The following CPSF4L variants were observed in gnomAD, a reference collection of about 807,000 sequenced individuals.
The protein encoded by CPSF4L is cleavage and polyadenylation specific factor 4 like, also known as putative cleavage and polyadenylation specificity factor subunit 4-like protein.
In CPSF4L, 18 loss-of-function variants were observed where a neutral mutation model predicts 24.0. That is an observed-to-expected ratio of 0.75 (90% confidence interval 0.52 to 1.11). CPSF4L has a LOEUF of 1.11. CPSF4L is among the 50% of genes least tolerant of loss of function. CPSF4L has a pLI of 0.00. For synonymous variants in CPSF4L, 72 were observed against 77.2 expected (o/e 0.93, Z 0.35); for missense variants, 211 against 221.8 (o/e 0.95, Z 0.31).
At chr17:73,245,890 A>G (rs2061943971), downstream of CPSF4L, 1 of 218,084 alleles carries the variant, frequency 4.6e-6, no homozygotes, top group East Asian at 1.8e-4. Flanking sequence ...TCCCACCCCT[A>G]TCTATCCCTT....
In CPSF4L at chr17:73,261,864, G is replaced by C; in HGVS notation, c.-46C>G. On this transcript the variant is annotated 5_prime_UTR_variant, in exon 1 of 6. Transcript: ENST00000344935. ...TGCGGAAGCTGCTGGAACCCAGGCAGGTGGGCCCAATATAGCTCATCAGAG... is the reference window on the plus strand; with the variant it reads ...TGCGGAAGCTGCTGGAACCCAGGCACGTGGGCCCAATATAGCTCATCAGAG... 7.0e-7 allele frequency: 1 copy of C among 1,435,554 alleles called. No homozygotes were observed. Among genetic ancestry groups the C allele is most frequent in the Non-Finnish European group, 9.6e-7 (1 of 1,042,180 alleles). The allele number at this position is 1,435,554 out of a possible 1,614,324, so 88.9% of individuals were successfully genotyped here. A position where few individuals can be genotyped will look rare whatever the true frequency, so the allele number is the denominator to read the frequency against.
At chr17:73,260,909 G>C (rs892419226) in intron 2 of CPSF4L, 24 bp downstream of exon 2, 86 of 1,547,280 alleles carry the variant, frequency 5.6e-5, no homozygotes, top group Non-Finnish European at 7.3e-5. Flanking sequence ...CCAGCTTGGG[G>C]CCCAGGCCTG....
At position 73,250,973 on chromosome 17, in the gene CPSF4L, C is replaced by G. The variant is rs574007707; in HGVS notation, c.497+1657G>C. 100 of 1,529,916 alleles carry G rather than the reference C, an allele frequency of 6.5e-5. No individual in the cohort carries two copies. The African/African-American group carries it at 1.3e-3, about 20-fold the overall frequency. The allele number at this position is 1,529,916 out of a possible 1,614,324, so 94.8% of individuals were successfully genotyped here. On this transcript the variant is annotated intron_variant, in intron 5 of 5. Transcript: ENST00000344935. ...CAGCCCTGTGGGTTCCTTTGTCCAC[C>G]CTGTGGCACAGGCCCTGCCCTTGAC...
chr17:73,261,330 C>T (rs975105676), intron 1 of CPSF4L, among the ~76,000 whole-genome samples: 4 of 152,186 alleles, frequency 2.6e-5, no homozygotes, highest in South Asian at 4.1e-4. Flanking sequence ...AAGGGGCGGT[C>T]GCATCAGGGA....
Position 73,252,524 on chromosome 17 carries a change from A to G in CPSF4L, c.497+106T>C, listed in dbSNP as rs865867944. On this transcript the variant is annotated intron_variant, in intron 5 of 5. Coordinates refer to ENST00000344935, the MANE Select transcript of CPSF4L (RefSeq NM_001129885.1). ...AAATACTGGAGCGGATGCTTGCCAG[A>G]TGCTTCATTTTCCACTAAGGACCAG... 8.1e-6 allele frequency: 6 copies of G among 743,526 alleles called. No individual in the cohort carries two copies. In the African/African-American group the frequency reaches 8.8e-5, roughly 11 times the overall value. The allele number at this position is 743,526 out of a possible 1,614,324, so 46.1% of individuals were successfully genotyped here.
At chr17:73,262,846 C>T (rs992599097), upstream of CPSF4L, among the ~76,000 whole-genome samples, 23 of 152,188 alleles carry the variant, frequency 1.5e-4, no homozygotes, top group African/African-American at 4.6e-4. Context: ...TGGGCAGCCC[C>T]GCAGGCTCTC....
At chr17:73,258,269 C>T (rs917236557) in intron 2 of CPSF4L, among the ~76,000 whole-genome samples, 2 of 152,088 alleles carry the variant, frequency 1.3e-5, no homozygotes, top group African/African-American at 4.8e-5. Context: ...CTCGGCCTCC[C>T]AAAGTGCTGG....
At chr17:73,245,810 A>G (rs1216206258), downstream of CPSF4L, 2 of 755,958 alleles carry the variant, frequency 2.6e-6, no homozygotes, top group African/African-American at 3.8e-5. Context: ...ATCACATTTT[A>G]TACATCTTAA....
chr17:73,253,995 G>T lies in CPSF4L; in HGVS notation c.339C>A (p.Leu113=), dbSNP rs2062015141. 2 of 1,551,676 alleles carry T rather than the reference G, an allele frequency of 1.3e-6. No individual in the cohort carries two copies. Among genetic ancestry groups the T allele is most frequent in the African/African-American group, 2.7e-5 (2 of 73,166 alleles). The change falls in exon 4 of 6, where the codon CTC becomes CTA. Residue 113 remains leucine, a synonymous_variant. Coordinates refer to ENST00000344935, the MANE Select transcript of CPSF4L (RefSeq NM_001129885.1). ...GGGACTTGAAAGCTGGCTTCACATG[G>T]AGGAAGGAACACTCCTTGTTGCTGC... ...GDCSNKECSF[L]HVKPAFKSQD...
chr17:73,249,141 C>T (rs564812192), intron 5 of CPSF4L, among the ~76,000 whole-genome samples: 13 of 152,216 alleles, frequency 8.5e-5, no homozygotes, highest in Admixed American at 4.6e-4. Flanking sequence ...ATTCCAGCAA[C>T]GTCTGTGATG....
chr17:73,245,403 T>C (rs1048628088), downstream of CPSF4L: 1 of 1,218,402 alleles, frequency 8.2e-7, no homozygotes, highest in Non-Finnish European at 1.0e-6. Flanking sequence ...GTCTGGATGT[T>C]CTTGGCTTGC....
rs1350966058 is a variant in CPSF4L, at chr17:73,261,840, G to A, written c.-22C>T. ...GCATCTTCCGTCTCCTGCTGGGGCT[G>A]CGGAAGCTGCTGGAACCCAGGCAGG... On this transcript the variant is annotated 5_prime_UTR_variant, in exon 1 of 6. Transcript: ENST00000344935. 5.2e-6 allele frequency: 8 copies of A among 1,537,762 alleles called. No individual in the cohort carries two copies. The highest frequency in any genetic ancestry group is 7.1e-6 in the Non-Finnish European group (8 of 1,134,516).
the CPSF4L span, chr17:73,242,825 CTTGA>C: frequency 3.2e-6 from 4 of 1,259,386 alleles, no homozygotes; most frequent in African/African-American, 2.9e-5. Flanking sequence ...ACTGGGAAAA[CTTGA>C]ATGACTCGCG....
intron 4 of CPSF4L, among the ~76,000 whole-genome samples, chr17:73,253,360 C>T (rs1599411980): frequency 1.3e-5 from 2 of 152,102 alleles, no homozygotes; most frequent in South Asian, 2.1e-4. Context: ...AAAAGCTAAC[C>T]CCACAATCCT....
intron 5 of CPSF4L, chr17:73,248,828 G>A: frequency 2.9e-6 from 1 of 347,850 alleles, no homozygotes; most frequent in African/African-American, 2.1e-5. Flanking sequence ...TTTTTCTAAT[G>A]CACATTAAAA....
At chr17:73,261,479 G>A (rs2062045486) in intron 1 of CPSF4L, among the ~76,000 whole-genome samples, 1 of 152,124 alleles carries the variant, frequency 6.6e-6, no homozygotes, top group South Asian at 2.1e-4. Context: ...GGCTAACATG[G>A]TGAAACCCGG....
chr17:73,263,692 G>C (rs189062228), upstream of CPSF4L, among the ~76,000 whole-genome samples: 568 of 151,670 alleles, frequency 3.7e-3, 4 homozygotes, highest in African/African-American at 0.013. Flanking sequence ...GGAAGTGATC[G>C]TGAAGGCAGC....
At chr17:73,252,833 A>G in intron 4 of CPSF4L, 110 bp from the exon 5 acceptor site, 3 of 640,768 alleles carry the variant, frequency 4.7e-6, no homozygotes, top group Non-Finnish European at 8.2e-6. Context: ...GCTTCACTTA[A>G]TAGGGGTGGA....
At position 73,261,842 on chromosome 17, in the gene CPSF4L, G is replaced by A. The variant is rs1206590702; in HGVS notation, c.-24C>T. ...ATCTTCCGTCTCCTGCTGGGGCTGC[G>A]GAAGCTGCTGGAACCCAGGCAGGTG... On this transcript the variant is annotated 5_prime_UTR_variant, in exon 1 of 6. Transcript: ENST00000344935. 7.8e-6 allele frequency: 12 copies of A among 1,529,680 alleles called. No individual in the cohort carries two copies. The highest frequency in any genetic ancestry group is 4.1e-5 in the African/African-American group (3 of 72,646). The allele number at this position is 1,529,680 out of a possible 1,614,324, so 94.8% of individuals were successfully genotyped here.
Sources: allele counts gnomAD v4.1 joint callset (sites outside exome capture counted in the v4.1 genomes callset), GRCh38; gene constraint gnomAD v4.1.1; transcripts MANE v1.5; gene names NCBI Gene and HGNC (gene_info 2026-07-23, HGNC 2026-07-21).